EVI5: variants seen among roughly 807,000 people sequenced by gnomAD.
The protein encoded by EVI5 is ecotropic viral integration site 5, also known as ecotropic viral integration site 5 protein homolog.
EVI5 carries 73 observed loss-of-function variants against 112.0 expected under a neutral mutation model. That is an observed-to-expected ratio of 0.65 (90% CI 0.54 to 0.79). The LOEUF (loss-of-function observed/expected upper bound fraction) is 0.79, where lower values mean the gene tolerates loss of function less well. Ranked by LOEUF, EVI5 falls within the 30% of genes least tolerant of loss-of-function variation. The probability of loss-of-function intolerance (pLI) is 0.00; values close to 1 mark genes in which losing one functional copy is unlikely to be tolerated. For synonymous variants in EVI5, 305 were observed against 319.9 expected (o/e 0.95, Z 0.50); for missense variants, 900 against 968.8 (o/e 0.93, Z 0.94).
intron 19 of EVI5, among the ~76,000 whole-genome samples, chr1:92,543,756 T>C (rs11804321): frequency 0.13 from 19,282 of 152,150 alleles, 1,418 homozygotes; most frequent in Middle Eastern, 0.18. Flanking sequence ...GAAGGTATAA[T>C]AGTGAAAAAG....
intron 14 of EVI5, among the ~76,000 whole-genome samples, chr1:92,632,050 AG>A (rs1416712300): frequency 4.4e-5 from 1 of 22,794 alleles, no homozygotes; most frequent in African/African-American, 2.3e-4. Flanking sequence ...ATGGTGGATA[AG>A]CTTTTTGATG....
chr1:92,555,762 A>G (rs1046173460), intron 19 of EVI5, among the ~76,000 whole-genome samples: 3 of 151,486 alleles, frequency 2.0e-5, no homozygotes, highest in African/African-American at 7.3e-5. Flanking sequence ...AGGCAGGAGA[A>G]TCACTCGAAC....
At chr1:92,642,949 T>G (rs531820813) in intron 13 of EVI5, among the ~76,000 whole-genome samples, 2 of 152,212 alleles carry the variant, frequency 1.3e-5, no homozygotes, top group Non-Finnish European at 2.9e-5. Flanking sequence ...CAAGAACAGC[T>G]GGATAAAACT....
chr1:92,651,305 G>T (rs1250490962), intron 13 of EVI5, among the ~76,000 whole-genome samples: 2 of 152,056 alleles, frequency 1.3e-5, no homozygotes, highest in Non-Finnish European at 2.9e-5. Flanking sequence ...ACAGAATAAA[G>T]AAATTAGTTG....
chr1:92,634,046 C>G (rs1234871978), intron 14 of EVI5, among the ~76,000 whole-genome samples: 1 of 152,184 alleles, frequency 6.6e-6, no homozygotes. Context: ...GCTGAGAGAT[C>G]AGCTGTTAGT....
chr1:92,791,214 G>A (rs1464880452), intron 1 of EVI5, among the ~76,000 whole-genome samples: 2 of 152,170 alleles, frequency 1.3e-5, no homozygotes, highest in Non-Finnish European at 1.5e-5. Context: ...AGAAAATTTG[G>A]TGGAACTAGA....
chr1:92,605,199 A>T, intron 18 of EVI5, 108 bp downstream of exon 18: 1 of 776,634 alleles, frequency 1.3e-6, no homozygotes, highest in Non-Finnish European at 2.1e-6. Context: ...ATGAATGATT[A>T]CTGAAAAAAG....
At chr1:92,592,393 C>T (rs990224453) in intron 18 of EVI5, among the ~76,000 whole-genome samples, 1 of 152,142 alleles carries the variant, frequency 6.6e-6, no homozygotes, top group Non-Finnish European at 1.5e-5. Context: ...ATACAACATA[C>T]CAGAATCTCT....
chr1:92,520,757 G>A (rs1314226589), intron 19 of EVI5, among the ~76,000 whole-genome samples: 1 of 151,696 alleles, frequency 6.6e-6, no homozygotes, highest in Non-Finnish European at 1.5e-5. Flanking sequence ...AAGCTGAGGT[G>A]GGAGGATTGC....
At chr1:92,559,994 T>C (rs72964727) in intron 19 of EVI5, among the ~76,000 whole-genome samples, 1 of 152,124 alleles carries the variant, frequency 6.6e-6, no homozygotes, top group Non-Finnish European at 1.5e-5. Context: ...AATCTCTTCA[T>C]AGTCACAGAA....
intron 1 of EVI5, among the ~76,000 whole-genome samples, chr1:92,739,146 G>A (rs975286756): frequency 2.0e-5 from 3 of 151,600 alleles, no homozygotes; most frequent in East Asian, 3.9e-4. Context: ...GGTGGCGGGC[G>A]CCTGTAATCC....
intron 18 of EVI5, among the ~76,000 whole-genome samples, chr1:92,578,021 T>C (rs974616455): frequency 6.6e-6 from 1 of 152,222 alleles, no homozygotes; most frequent in Non-Finnish European, 1.5e-5. Context: ...TGGTGCTATA[T>C]TTCATTTACT....
chr1:92,603,208 T>G (rs1246655744), intron 18 of EVI5, among the ~76,000 whole-genome samples: 2 of 152,226 alleles, frequency 1.3e-5, no homozygotes, highest in Non-Finnish European at 2.9e-5. Context: ...TAACAAGTGT[T>G]GGTGCAAATG....
intron 1 of EVI5, among the ~76,000 whole-genome samples, chr1:92,759,000 G>A (rs897960205): frequency 2.0e-5 from 3 of 152,118 alleles, no homozygotes; most frequent in African/African-American, 7.2e-5. Context: ...CACTTTGGGA[G>A]GCCCAAGCAG....
At chr1:92,709,754 T>C (rs1347785014) in intron 2 of EVI5, among the ~76,000 whole-genome samples, 6 of 152,264 alleles carry the variant, frequency 3.9e-5, no homozygotes, top group African/African-American at 1.4e-4. Flanking sequence ...AATTTACGTG[T>C]TCAAGAATAT....
chr1:92,563,885 A>G (rs1479351134), intron 18 of EVI5, 148 bp from the exon 19 acceptor site: 1 of 455,338 alleles, frequency 2.2e-6, no homozygotes, highest in Non-Finnish European at 3.9e-6. Flanking sequence ...ACCTCTGACA[A>G]ACAATTCATA....
chr1:92,533,541 C>A (rs1663275066), intron 19 of EVI5, among the ~76,000 whole-genome samples: 1 of 152,170 alleles, frequency 6.6e-6, no homozygotes. Context: ...CAATAAAATA[C>A]TGGCAAACCG....
chr1:92,742,112 C>CA lies in EVI5; in HGVS notation c.-81-5486dup, dbSNP rs199531480. On this transcript the variant is annotated intron_variant, in intron 1 of 19. Transcript: ENST00000684568. The stretch of plus-strand genomic sequence containing the variant: ...AAAGAACTCCTACAAATTAATAACA[C>CA]AAAAAAAAACAAATAATCTGATTAA... Among the ~76,000 whole-genome samples the CA allele has an allele frequency of 7.1e-3, 1,065 of 149,272 alleles. 12 individuals are homozygous for CA. The highest frequency in any genetic ancestry group is 0.022 in the African/African-American group (908 of 40,732).
At chr1:92,662,303 T>C (rs770466229) in intron 13 of EVI5, among the ~76,000 whole-genome samples, 3 of 152,218 alleles carry the variant, frequency 2.0e-5, no homozygotes, top group Non-Finnish European at 4.4e-5. Flanking sequence ...GATAACTGCA[T>C]ATATTCTGCA....
Sources: gnomAD v4.1 joint callset for allele counts (sites outside exome capture counted in the v4.1 genomes callset) on GRCh38, gnomAD v4.1.1 for gene constraint, MANE v1.5 for transcripts, NCBI Gene and HGNC (gene_info 2026-07-23, HGNC 2026-07-21) for gene names.